NKPD1: variants seen among roughly 807,000 people sequenced by gnomAD.
The protein encoded by NKPD1 is NTPase KAP family P-loop domain-containing protein 1.
Under a neutral mutation model 42.2 loss-of-function variants are expected in NKPD1, and 37 were observed. That is an observed-to-expected ratio of 0.88 (90% CI 0.67 to 1.15). The LOEUF is 1.15. Ranked by LOEUF, NKPD1 falls within the 50% of genes most tolerant of loss-of-function variation. NKPD1 has a pLI of 0.00. For missense variants in NKPD1, 1,113 were observed against 1,174.6 expected, an observed-to-expected ratio of 0.95 and a Z score of 0.77; for synonymous variants, 552 against 536.5, an observed-to-expected ratio of 1.03 and a Z score of -0.40.
At position 45,153,288 on chromosome 19, in the gene NKPD1, C is replaced by G; in HGVS notation, c.1149G>C (p.Ala383=). Residue 383 remains alanine (A), a synonymous_variant, in exon 5 of 5, where the codon GCG becomes GCC. Coordinates refer to ENST00000686631, the MANE Select transcript of NKPD1 (RefSeq NM_198478.4). ...SGSLLKVFGG[A]ATTLSGSGLL... is the part of the protein sequence containing the mutation. Reference sequence around the variant, plus strand: ...GCCCCGAGCCCGACAGTGTGGTGGCCGCGCCGCCAAACACCTTGAGCAGGC... The same window carrying G: ...GCCCCGAGCCCGACAGTGTGGTGGCGGCGCCGCCAAACACCTTGAGCAGGC... 1.3e-6 allele frequency: 2 copies of G among 1,593,534 alleles called. No individual in the cohort carries two copies.
At chr19:45,156,593 C>T (rs565464988) in intron 3 of NKPD1, among the ~76,000 whole-genome samples, 4 of 152,204 alleles carry the variant, frequency 2.6e-5, no homozygotes, top group Admixed American at 6.5e-5. Flanking sequence ...GTCTGGCCAG[C>T]GCCGGGCCCT....
At position 45,152,391 on chromosome 19, in the gene NKPD1, G is replaced by GC; in HGVS notation, c.2045dup (p.Ala683ArgfsTer172). ...AGAGGCGCGCGCGGCCCTCGGGCGC[G>GC]CCCCCGGTCTGCTGCCGGTCCTCCA... On this transcript the variant is annotated frameshift_variant, in exon 5 of 5. Transcript: ENST00000686631. LOFTEE classifies it low-confidence loss of function (END_TRUNC). 6.3e-7 allele frequency: 1 copy of GC among 1,575,344 alleles called. No homozygotes were observed. The highest frequency in any genetic ancestry group is 8.6e-7 in the Non-Finnish European group (1 of 1,162,454).
chr19:45,153,898 G>T (rs1339994768), intron 4 of NKPD1, 123 bp from the exon 5 acceptor site: 35 of 1,004,540 alleles, frequency 3.5e-5, no homozygotes, highest in African/African-American at 1.7e-5. Context: ...CGAGGGGCTG[G>T]AAGCGAGCCG....
At position 45,159,013 on chromosome 19, in the gene NKPD1, G is replaced by A; in HGVS notation, c.179C>T (p.Ala60Val). Residue 60 changes from alanine (A) to valine (V), a missense_variant, in exon 3 of 5, where the codon GCC (alanine) becomes GTC (valine). Ala to Val is a moderately conservative substitution (Grantham distance 64, BLOSUM62 0). This residue lies in a region of NKPD1 where 204 missense variants were observed against 227.8 expected (regional missense o/e 0.90). Coordinates refer to ENST00000686631, the MANE Select transcript of NKPD1 (RefSeq NM_198478.4). Reference protein sequence around the residue: ...RPSPQSHWQLAYHSHQVGGSG... With the variant: ...RPSPQSHWQLVYHSHQVGGSG... Reference sequence around the variant, plus strand: ...GCCACCCACTTGGTGGCTGTGGTAGGCCAGCTGCCAGTGTGATTGGGGGGA... The same window carrying A: ...GCCACCCACTTGGTGGCTGTGGTAGACCAGCTGCCAGTGTGATTGGGGGGA... 2 of 1,301,640 alleles carry A rather than the reference G, an allele frequency of 1.5e-6. No homozygotes were observed. Among genetic ancestry groups the A allele is most frequent in the South Asian group, 2.5e-5 (2 of 80,780 alleles). The allele number at this position is 1,301,640 out of a possible 1,614,324, so 80.6% of individuals were successfully genotyped here.
intron 3 of NKPD1, among the ~76,000 whole-genome samples, chr19:45,156,204 C>A (rs1038231952): frequency 6.6e-6 from 1 of 152,220 alleles, no homozygotes; most frequent in Non-Finnish European, 1.5e-5. Context: ...CCCTAGGTCA[C>A]CAGGCTTGCT....
chr19:45,160,390 G>C (rs1968983837), intron 1 of NKPD1, among the ~76,000 whole-genome samples, 169 bp from the exon 2 acceptor site: 1 of 152,202 alleles, frequency 6.6e-6, no homozygotes, highest in Non-Finnish European at 1.5e-5. Context: ...GATGGCCAGA[G>C]GAGGGAACGG....
At chr19:45,161,680 G>A (rs968040679), upstream of NKPD1, among the ~76,000 whole-genome samples, 2 of 152,186 alleles carry the variant, frequency 1.3e-5, no homozygotes, top group African/African-American at 2.4e-5. Flanking sequence ...TCCTGCCCTC[G>A]GGGCCAGCAC....
rs758838490 is a variant in NKPD1, at chr19:45,153,621, C to G, written c.816G>C (p.Arg272Ser). 5 of 1,581,286 alleles carry G rather than the reference C, an allele frequency of 3.2e-6. No individual in the cohort carries two copies. In the South Asian group the frequency reaches 5.7e-5, roughly 18 times the overall value. Reference protein sequence around the residue: ...PIITEVHLRRRNVQFLFIRFS... With the variant: ...PIITEVHLRRSNVQFLFIRFS... ...AGCGGATGAAAAGGAACTGCACGTT[C>G]CTGCGCCGCAGGTGCACCTCGGTGA... is the stretch of plus-strand genomic sequence containing the variant. The change falls in exon 5 of 5, where the codon AGG becomes AGC. Residue 272 changes from arginine (R) to serine (S), a missense_variant. By Grantham distance (110) the Arg-to-Ser change is moderately radical (BLOSUM62 -1). Transcript: ENST00000686631.
rs986423576 is a variant in NKPD1 at position 45,155,797 on chromosome 19, C to G, written c.649G>C (p.Asp217His). ...CACAGCTCCTCACCCGTGATCTTGT[C>G]CAGCATCATGTGCAGGCGGCAGCCG... ...PFGCRLHMML[D>H]KITALMQQEA... Residue 217 changes from aspartate (D) to histidine (H), a missense_variant, in exon 4 of 5, where the codon GAC becomes CAC. Asp to His is a moderately conservative substitution (Grantham distance 81). Transcript: ENST00000686631. The G allele has an allele frequency of 6.9e-6, 9 of 1,304,924 alleles. No individual in the cohort carries two copies. The Admixed American group carries it at 1.6e-4, about 23-fold the overall frequency. The allele number at this position is 1,304,924 out of a possible 1,614,324, so 80.8% of individuals were successfully genotyped here.
At chr19:45,157,719 CTTTTTT>C (rs34991759) in intron 3 of NKPD1, among the ~76,000 whole-genome samples, 7 of 83,324 alleles carry the variant, frequency 8.4e-5, no homozygotes, top group East Asian at 3.2e-4. Context: ...CCCAGACATA[CTTTTTT>C]TTTTTTTTTT....
At chr19:45,162,700 C>T (rs949178853), upstream of NKPD1, among the ~76,000 whole-genome samples, 7 of 152,176 alleles carry the variant, frequency 4.6e-5, no homozygotes, top group African/African-American at 1.4e-4. Context: ...GTTCTGTGCA[C>T]ATCGCCGGGC....
rs1290485872 is a variant in NKPD1 at position 45,158,308 on chromosome 19, A to G, written c.529+355T>C. ...AGAGCCAGCCAACAACCCAGGGCTC[A>G]CCATCCCTGCCCCATGTACCCTGTA... On this transcript the variant is annotated intron_variant, in intron 3 of 4. Coordinates refer to ENST00000686631, the MANE Select transcript of NKPD1 (RefSeq NM_198478.4). This position sits in a 1 kb window ranked among gnomAD's most constrained non-coding sequence, Gnocchi z 4.6. Among the ~76,000 whole-genome samples, 3 of 152,202 alleles carry G rather than the reference A, an allele frequency of 2.0e-5. No individual in the cohort carries two copies.
chr19:45,157,860 G>A (rs1287986259), intron 3 of NKPD1, among the ~76,000 whole-genome samples: 3 of 151,804 alleles, frequency 2.0e-5, no homozygotes, highest in Non-Finnish European at 2.9e-5. Context: ...GAGTAACTGG[G>A]ATTACACGCG....
chr19:45,152,403 C>G lies in NKPD1; in HGVS notation c.2034G>C (p.Gln678His). The change falls in exon 5 of 5, where the codon CAG (glutamine) becomes CAC (histidine). Residue 678 changes from glutamine to histidine, a missense_variant. Transcript: ENST00000686631. Reference sequence around the variant, plus strand: ...GGCCCTCGGGCGCGCCCCCGGTCTGCTGCCGGTCCTCCAGGCACTGCAGCG... The same window carrying G: ...GGCCCTCGGGCGCGCCCCCGGTCTGGTGCCGGTCCTCCAGGCACTGCAGCG... ...SWALQCLEDR[Q>H]QTGGAPEGRA... 6.3e-7 allele frequency: 1 copy of G among 1,575,186 alleles called. No homozygotes were observed. The highest frequency in any genetic ancestry group is 1.1e-5 in the South Asian group (1 of 86,978).
rs761813917 is a variant in NKPD1 at position 45,153,428 on chromosome 19, G to A, written c.1009C>T (p.Arg337Trp). ...AGCAGCCCCAGGCACACGCGGCGCC[G>A]ACAATGCCACTCGCTCTGGCAGCAG... is the stretch of plus-strand genomic sequence containing the variant. ...QDCCQSEWHC[R>W]RRVCLGLLAL... The change falls in exon 5 of 5, where the codon CGG (arginine) becomes TGG (tryptophan). Residue 337 changes from arginine (R) to tryptophan (W), a missense_variant. Transcript: ENST00000686631. The A allele has an allele frequency of 1.9e-6, 3 of 1,548,492 alleles. No homozygotes were observed. The highest frequency in any genetic ancestry group is 2.6e-6 in the Non-Finnish European group (3 of 1,150,624).
upstream of NKPD1, among the ~76,000 whole-genome samples, chr19:45,161,179 C>A (rs1968998119): frequency 6.6e-6 from 1 of 152,202 alleles, no homozygotes. Flanking sequence ...GCAGCACTGC[C>A]TCAATCTCCT....
At chr19:45,162,215 T>G (rs971756540), upstream of NKPD1, among the ~76,000 whole-genome samples, 3 of 151,836 alleles carry the variant, frequency 2.0e-5, no homozygotes, top group Non-Finnish European at 4.4e-5. Context: ...TGCTGGACAC[T>G]AGGGGGAGCA....
intron 3 of NKPD1, among the ~76,000 whole-genome samples, chr19:45,156,629 C>T (rs1456273720): frequency 6.6e-6 from 1 of 152,212 alleles, no homozygotes; most frequent in Admixed American, 6.5e-5. Flanking sequence ...TCTCCAGTGG[C>T]CATTTAGGGC....
At position 45,152,156 on chromosome 19, in the gene NKPD1, TGACGGCTCG is replaced by T. The variant is rs1968792849; in HGVS notation, c.2272_2280del (p.Arg758_Val760del). 1.9e-6 allele frequency: 3 copies of T among 1,597,512 alleles called. No homozygotes were observed. Among genetic ancestry groups the T allele is most frequent in the Non-Finnish European group, 2.6e-6 (3 of 1,173,246 alleles). ...GGCGGGCTGGGCGGCTTGAGCGCGC[TGACGGCTCG>T]GATGAGACCCATGCGCCGGCGGATG... On this transcript the variant is annotated inframe_deletion, in exon 5 of 5. Transcript: ENST00000686631.
Sources: gnomAD v4.1 joint callset for allele counts (sites outside exome capture counted in the v4.1 genomes callset) on GRCh38, gnomAD v4.1.1 for gene constraint, gnomAD v4.1.1 regional missense constraint, Gnocchi (gnomAD v3.1) non-coding constraint, MANE v1.5 for transcripts, NCBI Gene and HGNC (gene_info 2026-07-23, HGNC 2026-07-21) for gene names.